The following EPHB1 variants were observed in gnomAD, a reference collection of about 807,000 sequenced individuals.
The protein encoded by EPHB1 is EPH receptor B1.
EPHB1 carries 30 observed loss-of-function variants against 94.4 expected under a neutral mutation model. The ratio of observed to expected loss-of-function variants is 0.32; its 90% CI spans 0.24 to 0.43. The LOEUF is 0.43. Ranked by LOEUF, EPHB1 falls within the 20% of genes least tolerant of loss-of-function variation. The pLI is 1.00. For synonymous variants in EPHB1, 522 were observed against 489.1 expected, an observed-to-expected ratio of 1.07 and a Z score of -0.89; for missense variants, 1,055 against 1,308.3, an observed-to-expected ratio of 0.81 and a Z score of 2.99.
intron 3 of EPHB1, among the ~76,000 whole-genome samples, chr3:135,085,014 A>T (rs1938303047): frequency 6.6e-6 from 1 of 152,118 alleles, no homozygotes; most frequent in Non-Finnish European, 1.5e-5. Flanking sequence ...CCGCAACCTC[A>T]CAGGTAGCAA....
intron 3 of EPHB1, among the ~76,000 whole-genome samples, chr3:135,014,813 C>A (rs772817045): frequency 6.6e-6 from 1 of 152,198 alleles, no homozygotes. Flanking sequence ...CAGTGATGGC[C>A]CACCTGGAGC....
At chr3:135,152,868 C>T (rs1232858987) in intron 5 of EPHB1, among the ~76,000 whole-genome samples, 1 of 152,170 alleles carries the variant, frequency 6.6e-6, no homozygotes, top group Non-Finnish European at 1.5e-5. Flanking sequence ...AGTAGGAACT[C>T]TGAGAGGTGC....
intron 9 of EPHB1, among the ~76,000 whole-genome samples, chr3:135,169,851 C>T (rs527577749): frequency 6.6e-5 from 10 of 152,306 alleles, no homozygotes; most frequent in South Asian, 2.1e-4. Flanking sequence ...CCCTCTAAGC[C>T]GGCTGCAGAG....
At chr3:135,135,229 A>G (rs1200110624) in intron 5 of EPHB1, among the ~76,000 whole-genome samples, 1 of 152,018 alleles carries the variant, frequency 6.6e-6, no homozygotes, top group African/African-American at 2.4e-5. Flanking sequence ...GAAGGATGCA[A>G]TTTCTTCTTG....
intron 3 of EPHB1, among the ~76,000 whole-genome samples, chr3:134,976,964 T>C (rs1482636829): frequency 4.6e-5 from 7 of 152,212 alleles, no homozygotes; most frequent in Admixed American, 4.6e-4. Flanking sequence ...TCATCAACAT[T>C]ACAACTCTGA....
chr3:135,093,688 C>G (rs2107792667), intron 3 of EPHB1, among the ~76,000 whole-genome samples: 1 of 149,372 alleles, frequency 6.7e-6, no homozygotes, highest in South Asian at 2.1e-4. Context: ...CACCACTGCA[C>G]TCCAACCTGG....
At chr3:135,052,997 A>G (rs575915694) in intron 3 of EPHB1, among the ~76,000 whole-genome samples, 2,406 of 99,394 alleles carry the variant, frequency 0.024, 68 homozygotes, top group East Asian at 0.08. Context: ...GTGTATATAT[A>G]TGTGTGTGTA....
intron 11 of EPHB1, among the ~76,000 whole-genome samples, chr3:135,198,329 G>T (rs377203986): frequency 6.6e-6 from 1 of 152,194 alleles, no homozygotes; most frequent in African/African-American, 2.4e-5. Context: ...TATCTTGTCT[G>T]TGAAAACAAT....
chr3:135,013,420 G>T (rs1935686037), intron 3 of EPHB1, among the ~76,000 whole-genome samples: 1 of 152,224 alleles, frequency 6.6e-6, no homozygotes, highest in African/African-American at 2.4e-5. Flanking sequence ...ACACTGGGAG[G>T]TAGCGGCCTG....
At chr3:135,208,323 G>GTGTGTA (rs1942954898) in intron 12 of EPHB1, among the ~76,000 whole-genome samples, 4 of 151,638 alleles carry the variant, frequency 2.6e-5, no homozygotes. Flanking sequence ...GTGTGTGTGT[G>GTGTGTA]TGTGTGTGTG....
At chr3:134,948,500 A>G (rs1269140817) in intron 2 of EPHB1, among the ~76,000 whole-genome samples, 2 of 152,226 alleles carry the variant, frequency 1.3e-5, no homozygotes, top group African/African-American at 4.8e-5. Context: ...AACTTTAATA[A>G]ACACATTTGA....
chr3:135,097,151 A>G (rs1338650146), intron 3 of EPHB1, among the ~76,000 whole-genome samples: 1 of 141,820 alleles, frequency 7.1e-6, no homozygotes, highest in Non-Finnish European at 1.5e-5. Context: ...GCTTCAACGT[A>G]TGATTTTTTT....
At chr3:135,068,981 A>G (rs953991466) in intron 3 of EPHB1, among the ~76,000 whole-genome samples, 1 of 149,912 alleles carries the variant, frequency 6.7e-6, no homozygotes, top group Non-Finnish European at 1.5e-5. Context: ...AATAATAGGT[A>G]AACTGGGTTT....
At chr3:134,988,095 A>T (rs1043127728) in intron 3 of EPHB1, among the ~76,000 whole-genome samples, 19 of 152,194 alleles carry the variant, frequency 1.2e-4, no homozygotes, top group Non-Finnish European at 5.9e-5. Flanking sequence ...GCCTTGTTTA[A>T]TTCTCAGTTG....
At chr3:135,003,900 G>A (rs1011081144) in intron 3 of EPHB1, among the ~76,000 whole-genome samples, 1 of 152,014 alleles carries the variant, frequency 6.6e-6, no homozygotes, top group Non-Finnish European at 1.5e-5. Flanking sequence ...GATGGGTCTT[G>A]ACTCTTTATC....
rs1427404794 is a variant in EPHB1 at position 135,098,749 on chromosome 3, C to T, written c.806-7699C>T. ...CACTTTGACCGAGCATGTTGGCTTA[C>T]TCCAGTAATCCCAACACTTTGGGAA... On this transcript the variant is annotated intron_variant, in intron 3 of 15. Transcript: ENST00000398015. Among the ~76,000 whole-genome samples, 5 of 152,240 alleles carry T rather than the reference C, an allele frequency of 3.3e-5. No individual in the cohort carries two copies. The East Asian group carries it at 7.7e-4, about 24-fold the overall frequency.
intron 3 of EPHB1, among the ~76,000 whole-genome samples, chr3:135,007,600 A>G (rs1459271583): frequency 1.3e-5 from 2 of 152,168 alleles, no homozygotes; most frequent in Non-Finnish European, 1.5e-5. Flanking sequence ...ACCCTAGGTC[A>G]TGGCAGGAAG....
At position 134,832,521 on chromosome 3, in the gene EPHB1, A is replaced by G. The variant is rs572784002; in HGVS notation, c.58+36832A>G. Reference sequence around the variant, plus strand: ...CTTCAGTCACCCAAGTATCACTGCTATGAGTTCCCCCTTACCCACATACAA... The same window carrying G: ...CTTCAGTCACCCAAGTATCACTGCTGTGAGTTCCCCCTTACCCACATACAA... On this transcript the variant is annotated intron_variant, in intron 1 of 15. Coordinates refer to ENST00000398015, the MANE Select transcript of EPHB1 (RefSeq NM_004441.5). Among the ~76,000 whole-genome samples the G allele has an allele frequency of 1.7e-4, 26 of 152,328 alleles. No homozygotes were observed. The South Asian group carries it at 5.0e-3, about 29-fold the overall frequency.
intron 2 of EPHB1, among the ~76,000 whole-genome samples, chr3:134,934,356 C>T (rs1280127531): frequency 6.6e-6 from 1 of 152,194 alleles, no homozygotes; most frequent in Non-Finnish European, 1.5e-5. Context: ...AGCCAGGAAG[C>T]AGGCCCTCCT....
Sources: allele counts gnomAD v4.1 joint callset (sites outside exome capture counted in the v4.1 genomes callset), GRCh38; gene constraint gnomAD v4.1.1; transcripts MANE v1.5; gene names NCBI Gene and HGNC (gene_info 2026-07-23, HGNC 2026-07-21).